The following MICAL2 variants were observed in gnomAD, a reference collection of about 807,000 sequenced individuals.
The protein encoded by MICAL2 is microtubule associated monooxygenase, calponin and LIM domain containing 2, also known as [F-actin]-monooxygenase MICAL2.
A neutral mutation model predicts 127.3 loss-of-function variants in MICAL2; 77 were observed. The ratio of observed to expected loss-of-function variants is 0.60; its 90% CI spans 0.50 to 0.73. The LOEUF is 0.73. MICAL2 is among the 30% of genes least tolerant of loss of function. The pLI is 0.00. For missense variants in MICAL2, 1,351 were observed against 1,434.4 expected (o/e 0.94, Z 0.94); for synonymous variants, 570 against 551.1 (o/e 1.03, Z -0.48).
chr11:12,166,957 G>A (rs748376407), intron 3 of MICAL2, among the ~76,000 whole-genome samples: 3 of 152,128 alleles, frequency 2.0e-5, no homozygotes, highest in African/African-American at 7.2e-5. Context: ...TGTGTGGGGT[G>A]CGGGGAAAGG....
chr11:12,208,464 G>T, intron 5 of MICAL2: 1 of 253,514 alleles, frequency 3.9e-6, no homozygotes, highest in Non-Finnish European at 7.7e-6. Flanking sequence ...GTTCATTCAC[G>T]TGTTCTTCAA....
chr11:12,311,878 T>C (rs922190158), intron 29 of MICAL2, among the ~76,000 whole-genome samples: 3 of 152,174 alleles, frequency 2.0e-5, no homozygotes, highest in Non-Finnish European at 4.4e-5. Context: ...GAACTGTTTT[T>C]GTGGAACGTT....
At chr11:12,125,430 A>T (rs1375857542) in intron 1 of MICAL2, among the ~76,000 whole-genome samples, 1 of 151,900 alleles carries the variant, frequency 6.6e-6, no homozygotes, top group Non-Finnish European at 1.5e-5. Flanking sequence ...ATTTTTTTGT[A>T]TTTTTAGTAC....
chr11:12,223,059 A>G (rs561800672), intron 11 of MICAL2, among the ~76,000 whole-genome samples: 15 of 152,346 alleles, frequency 9.8e-5, no homozygotes, highest in African/African-American at 1.4e-4. Flanking sequence ...TGATCTCTGC[A>G]TACCACCCTT....
intron 3 of MICAL2, among the ~76,000 whole-genome samples, chr11:12,164,889 C>T (rs1288114678): frequency 6.6e-6 from 1 of 152,132 alleles, no homozygotes; most frequent in Admixed American, 6.5e-5. Flanking sequence ...AATCCCAGCA[C>T]TTTGGGAAGC....
intron 1 of MICAL2, among the ~76,000 whole-genome samples, chr11:12,132,702 C>T (rs971805362): frequency 6.6e-6 from 1 of 152,214 alleles, no homozygotes; most frequent in Non-Finnish European, 1.5e-5. Flanking sequence ...CCTATTCCCA[C>T]AGATAGAGCC....
chr11:12,215,990 G>A (rs1398040166), intron 7 of MICAL2, among the ~76,000 whole-genome samples: 2 of 152,196 alleles, frequency 1.3e-5, no homozygotes, highest in African/African-American at 4.8e-5. Context: ...GACGTTGTGA[G>A]TTTTAACAGG....
At chr11:12,327,174 C>A in exon 32 of MICAL2, 1 of 1,551,524 alleles carries the variant, frequency 6.4e-7, no homozygotes, top group Non-Finnish European at 8.7e-7. Flanking sequence ...GTGTTGCAGG[C>A]CATCCAGAGG....
chr11:12,114,059 CAAA>C (rs1221952061), intron 1 of MICAL2, among the ~76,000 whole-genome samples: 1 of 152,198 alleles, frequency 6.6e-6, no homozygotes, highest in East Asian at 1.9e-4. Context: ...AGTCCTCTCT[CAAA>C]AATATTACAA....
In MICAL2 at chr11:12,236,349, C is replaced by T. The variant is rs554617802; in HGVS notation, c.2064+104C>T. Reference sequence around the variant, plus strand: ...CAGCCTGGCCCTGTTCCTTCCCTCTCTCATGAACCACTGGGTTCCAAGCTT... The same window carrying T: ...CAGCCTGGCCCTGTTCCTTCCCTCTTTCATGAACCACTGGGTTCCAAGCTT... On this transcript the variant is annotated intron_variant, in intron 16 of 27. Transcript: ENST00000683283. The T allele has an allele frequency of 1.8e-5, 18 of 1,016,310 alleles. No individual in the cohort carries two copies. The Admixed American group carries it at 1.8e-4, about 10-fold the overall frequency. 63.0% of individuals were successfully genotyped at this position (1,016,310 alleles called of 1,614,324 possible).
intron 2 of MICAL2, among the ~76,000 whole-genome samples, chr11:12,153,497 GT>G (rs1853822239): frequency 6.6e-6 from 1 of 152,146 alleles, no homozygotes; most frequent in South Asian, 2.1e-4. Flanking sequence ...GAGTGCGGTG[GT>G]GCAATCTTGG....
intron 19 of MICAL2, 93 bp from the exon 20 acceptor site, chr11:12,242,578 C>T: frequency 2.1e-6 from 3 of 1,442,490 alleles, no homozygotes; most frequent in Non-Finnish European, 9.7e-7. Flanking sequence ...GGCAAGGCCC[C>T]CGGCTGCCTC....
intron 3 of MICAL2, among the ~76,000 whole-genome samples, chr11:12,171,569 C>G (rs560415924): frequency 3.3e-5 from 5 of 152,346 alleles, no homozygotes; most frequent in South Asian, 4.1e-4. Flanking sequence ...GTTCAGCCTC[C>G]TGCCACAGGG....
chr11:12,159,283 A>G (rs1269784025), intron 2 of MICAL2, among the ~76,000 whole-genome samples: 1 of 152,156 alleles, frequency 6.6e-6, no homozygotes, highest in Non-Finnish European at 1.5e-5. Flanking sequence ...TTTGTAAATT[A>G]TTGTCTGGCT....
chr11:12,273,126 C>T (rs188315900), upstream of MICAL2, among the ~76,000 whole-genome samples: 3 of 152,332 alleles, frequency 2.0e-5, no homozygotes, highest in East Asian at 5.8e-4. Context: ...GTTGTGCTCA[C>T]AGACACGCAG....
intron 19 of MICAL2, 64 bp downstream of exon 19, chr11:12,242,496 T>C (rs1195933460): frequency 6.5e-7 from 1 of 1,526,740 alleles, no homozygotes; most frequent in Non-Finnish European, 8.9e-7. Context: ...TTCCCCTCCC[T>C]CCTCCTACCC....
chr11:12,163,266 C>T (rs921504840), intron 3 of MICAL2, among the ~76,000 whole-genome samples: 3 of 152,222 alleles, frequency 2.0e-5, no homozygotes, highest in Non-Finnish European at 4.4e-5. Context: ...CAGCTGACTT[C>T]CCTGGTGGCC....
At chr11:12,298,683 G>T (rs980613988) in intron 29 of MICAL2, among the ~76,000 whole-genome samples, 1 of 152,104 alleles carries the variant, frequency 6.6e-6, no homozygotes, top group Non-Finnish European at 1.5e-5. Context: ...CTATTTCGGT[G>T]AGAGTATTTT....
chr11:12,271,384 C>T (rs1043478324), upstream of MICAL2, among the ~76,000 whole-genome samples: 1 of 152,216 alleles, frequency 6.6e-6, no homozygotes, highest in African/African-American at 2.4e-5. Flanking sequence ...GTGGTGTGGG[C>T]ATGCAGCACA....
Sources: allele counts gnomAD v4.1 joint callset (sites outside exome capture counted in the v4.1 genomes callset), GRCh38; gene constraint gnomAD v4.1.1; transcripts MANE v1.5; gene names NCBI Gene and HGNC (gene_info 2026-07-23, HGNC 2026-07-21).